Variants in LRMDA observed in about 807,000 individuals in gnomAD.
The protein encoded by LRMDA is leucine rich melanocyte differentiation associated, also known as leucine-rich melanocyte differentiation-associated protein.
In LRMDA, 18 loss-of-function variants were observed where a neutral mutation model predicts 29.8. The observed-to-expected ratio is 0.60, with a 90% CI of 0.42 to 0.90. The LOEUF (loss-of-function observed/expected upper bound fraction) is 0.90. Among genes scored for constraint, LRMDA ranks in the 40% least tolerant of loss-of-function variants. The probability of loss-of-function intolerance (pLI) is 0.00; values close to 1 mark genes in which losing one functional copy is unlikely to be tolerated. For synonymous variants in LRMDA, 125 were observed against 109.4 expected (o/e 1.14, Z -0.89); for missense variants, 273 against 273.9 (o/e 1.00, Z 0.02).
intron 5 of LRMDA, among the ~76,000 whole-genome samples, chr10:76,084,194 C>CTATTTATTTATTTATTTATT (rs113420141): frequency 0.017 from 2,557 of 150,688 alleles, 88 homozygotes; most frequent in African/African-American, 0.06. Flanking sequence ...TTTCTTTTCT[C>CTATTTATTTATTTATTTATT]TATTTATTTA....
chr10:75,644,449 A>G (rs577050841), intron 2 of LRMDA, among the ~76,000 whole-genome samples: 13 of 152,356 alleles, frequency 8.5e-5, no homozygotes, highest in African/African-American at 2.6e-4. Context: ...GTAAAAATGA[A>G]TCATAGCACA....
Position 76,531,688 on chromosome 10 carries a change from A to G in LRMDA, c.602-25521A>G, listed in dbSNP as rs577093229. Among the ~76,000 whole-genome samples the G allele has an allele frequency of 3.9e-5, 6 of 152,180 alleles. No homozygotes were observed. In the South Asian group the frequency reaches 6.2e-4, roughly 16 times the overall value. ...TATATATTGCTGAATCTTATTTGCT[A>G]TGTGTATTATGGATTTTTGCATGCA... On this transcript the variant is annotated intron_variant, in intron 6 of 6. Transcript: ENST00000611255.
intron 2 of LRMDA, among the ~76,000 whole-genome samples, chr10:75,666,896 C>T (rs1056613373): frequency 4.6e-5 from 7 of 152,102 alleles, no homozygotes; most frequent in Non-Finnish European, 1.0e-4. Context: ...CTGCAGGTTC[C>T]CATGGACCCA....
chr10:75,916,079 T>G (rs1449146485), intron 2 of LRMDA, among the ~76,000 whole-genome samples: 5 of 152,132 alleles, frequency 3.3e-5, no homozygotes, highest in Non-Finnish European at 7.4e-5. Flanking sequence ...TGGAAGTACC[T>G]GATGATTCTC....
rs185471045 is a variant in LRMDA, at chr10:75,689,822, C to T, written c.131+251328C>T. Among the ~76,000 whole-genome samples, 11 of 152,290 alleles carry T rather than the reference C, an allele frequency of 7.2e-5. No individual in the cohort carries two copies. The South Asian group carries it at 8.3e-4, about 11-fold the overall frequency. On this transcript the variant is annotated intron_variant, in intron 2 of 6. Transcript: ENST00000611255. ...AGGGCATTGCTGCTGGGAGGGAAGG[C>T]GCCTGCACTGGTCCTTTCCAGGCTG...
At chr10:75,840,265 C>CA (rs35864386) in intron 2 of LRMDA, among the ~76,000 whole-genome samples, 83,111 of 152,026 alleles carry the variant, frequency 0.55, 26,934 homozygotes, top group South Asian at 0.78. Context: ...TGACTACCAC[C>CA]AAAGGATTGA....
chr10:75,958,698 T>C (rs1052014640), intron 2 of LRMDA, among the ~76,000 whole-genome samples: 2 of 152,358 alleles, frequency 1.3e-5, no homozygotes, highest in African/African-American at 4.8e-5. Flanking sequence ...CTGGGTTGTA[T>C]AGCTGAGAGT....
At chr10:76,494,783 A>G (rs1454736973) in intron 6 of LRMDA, among the ~76,000 whole-genome samples, 1 of 151,816 alleles carries the variant, frequency 6.6e-6, no homozygotes, top group Non-Finnish European at 1.5e-5. Flanking sequence ...GCATCCCACA[A>G]TTTTGGTATG....
intron 6 of LRMDA, among the ~76,000 whole-genome samples, chr10:76,528,459 A>G (rs893507610): frequency 3.9e-5 from 6 of 152,194 alleles, no homozygotes; most frequent in African/African-American, 1.4e-4. Context: ...CAAAACATCC[A>G]AATACTAACT....
intron 5 of LRMDA, among the ~76,000 whole-genome samples, chr10:76,267,507 C>T (rs1229362368): frequency 1.3e-5 from 2 of 152,216 alleles, no homozygotes; most frequent in Admixed American, 1.3e-4. Context: ...GCCCTGGTAA[C>T]CTCTATTCTA....
chr10:75,729,699 T>C (rs752460135), intron 2 of LRMDA, among the ~76,000 whole-genome samples: 2 of 152,206 alleles, frequency 1.3e-5, no homozygotes, highest in Non-Finnish European at 2.9e-5. Context: ...CAAATCATGA[T>C]TGAACAAGGA....
chr10:76,220,162 G>A (rs1192854751), intron 5 of LRMDA, among the ~76,000 whole-genome samples: 1 of 152,124 alleles, frequency 6.6e-6, no homozygotes, highest in African/African-American at 2.4e-5. Flanking sequence ...ACAAGAGAAA[G>A]CAGGAAAGAT....
At chr10:76,255,629 T>A (rs1852580137) in intron 5 of LRMDA, among the ~76,000 whole-genome samples, 1 of 152,204 alleles carries the variant, frequency 6.6e-6, no homozygotes, top group African/African-American at 2.4e-5. Context: ...AGATGGAGTA[T>A]GAACCAGACC....
chr10:75,748,868 A>T (rs1256909490), intron 2 of LRMDA, among the ~76,000 whole-genome samples: 1 of 152,220 alleles, frequency 6.6e-6, no homozygotes, highest in Non-Finnish European at 1.5e-5. Context: ...GACAAATACT[A>T]GTTTATGCAA....
intron 5 of LRMDA, among the ~76,000 whole-genome samples, chr10:76,129,177 G>A (rs568562027): frequency 6.6e-6 from 1 of 152,232 alleles, no homozygotes; most frequent in South Asian, 2.1e-4. Flanking sequence ...CAATTGACAA[G>A]TGAACCCTGG....
intron 3 of LRMDA, among the ~76,000 whole-genome samples, chr10:76,039,119 C>A (rs1848300701): frequency 6.6e-6 from 1 of 152,234 alleles, no homozygotes; most frequent in Admixed American, 6.5e-5. Flanking sequence ...CAACTTATAT[C>A]ATGTGTTAAT....
chr10:75,950,193 C>G (rs547523638), intron 2 of LRMDA, among the ~76,000 whole-genome samples: 1 of 152,332 alleles, frequency 6.6e-6, no homozygotes, highest in Non-Finnish European at 1.5e-5. Flanking sequence ...ACCAGGTACT[C>G]ATAATCTTTT....
chr10:76,307,480 T>G (rs2132372182), intron 5 of LRMDA, among the ~76,000 whole-genome samples: 1 of 152,274 alleles, frequency 6.6e-6, no homozygotes, highest in South Asian at 2.1e-4. Flanking sequence ...TGGTGTCCAC[T>G]ACACTGTATT....
intron 6 of LRMDA, among the ~76,000 whole-genome samples, chr10:76,503,017 C>T (rs530061824): frequency 6.6e-6 from 1 of 151,916 alleles, no homozygotes; most frequent in Admixed American, 6.6e-5. Context: ...TTCAGTATGA[C>T]ATTGGCTATG....
Sources: allele counts gnomAD v4.1 joint callset (sites outside exome capture counted in the v4.1 genomes callset), GRCh38; gene constraint gnomAD v4.1.1; transcripts MANE v1.5; gene names NCBI Gene and HGNC (gene_info 2026-07-23, HGNC 2026-07-21).